FRMD6: variants seen among roughly 807,000 people sequenced by gnomAD.
FRMD6 encodes the protein FERM domain-containing protein 6.
In FRMD6, 37 loss-of-function variants were observed where a neutral mutation model predicts 73.2. The observed-to-expected ratio is 0.51, with a 90% CI of 0.39 to 0.66. FRMD6 has a LOEUF of 0.66. Among genes scored for constraint, FRMD6 ranks in the 30% least tolerant of loss-of-function variants. FRMD6 has a pLI of 0.00. For missense variants in FRMD6, 714 were observed against 780.5 expected, an observed-to-expected ratio of 0.91 and a Z score of 1.02; for synonymous variants, 273 against 282.2, an observed-to-expected ratio of 0.97 and a Z score of 0.33.
At chr14:51,709,295 C>T (rs1166060351) in intron 7 of FRMD6, among the ~76,000 whole-genome samples, 2 of 152,168 alleles carry the variant, frequency 1.3e-5, no homozygotes, top group African/African-American at 4.8e-5. Flanking sequence ...GGGACAGCAA[C>T]ATACCTGCTT....
At position 51,708,427 on chromosome 14, in the gene FRMD6, G is replaced by A. The variant is rs1896757660; in HGVS notation, c.714+194G>A. The A allele has an allele frequency of 5.6e-6, 3 of 536,364 alleles. No individual in the cohort carries two copies. In the South Asian group the frequency reaches 7.3e-5, roughly 13 times the overall value. The allele number at this position is 536,364 out of a possible 1,614,324, so 33.2% of individuals were successfully genotyped here. A position where few individuals can be genotyped will look rare whatever the true frequency, so the allele number is the denominator to read the frequency against. ...GGCCATGGTGCTTTTACTCTGGCCT[G>A]GAAGCGGGGTGGAGTATTTTTTAAT... On this transcript the variant is annotated intron_variant, in intron 7 of 13. Transcript: ENST00000344768.
intron 1 of FRMD6, among the ~76,000 whole-genome samples, chr14:51,687,614 G>T (rs1425787311): frequency 6.6e-6 from 1 of 152,062 alleles, no homozygotes; most frequent in African/African-American, 2.4e-5. Context: ...AATATAAGAA[G>T]TTGCCTGCAA....
the FRMD6 span, among the ~76,000 whole-genome samples, chr14:51,406,423 T>C: frequency 2.0e-5 from 3 of 152,196 alleles, no homozygotes; most frequent in African/African-American, 7.2e-5. Context: ...AATATGGCCA[T>C]TTTAATGATA....
chr14:51,408,030 G>A, the FRMD6 span, among the ~76,000 whole-genome samples: 2 of 151,968 alleles, frequency 1.3e-5, no homozygotes, highest in Non-Finnish European at 2.9e-5. Context: ...TCAATCTTTA[G>A]TGTTCTGGAA....
rs1898122137 is a variant in FRMD6, at chr14:51,728,850, T to C, written c.*821T>C. The C allele has an allele frequency of 6.6e-6, 1 of 152,380 alleles. No individual in the cohort carries two copies. The highest frequency in any genetic ancestry group is 1.5e-5 in the Non-Finnish European group (1 of 68,032). The allele number at this position is 152,380 out of a possible 1,614,324, so 9.4% of individuals were successfully genotyped here. A position where few individuals can be genotyped will look rare whatever the true frequency, so the allele number is the denominator to read the frequency against. ...AACGTTGGTGCTTGGTGATGCTTTA[T>C]TTGTTTAATTATCAAGAACAAATTA... On this transcript the variant is annotated 3_prime_UTR_variant, in exon 14 of 14. Coordinates refer to ENST00000344768, the MANE Select transcript of FRMD6 (RefSeq NM_001267046.2).
chr14:51,413,719 T>C, the FRMD6 span, among the ~76,000 whole-genome samples: 2 of 152,232 alleles, frequency 1.3e-5, no homozygotes, highest in Non-Finnish European at 2.9e-5. Context: ...TTCTAGATCC[T>C]TGAGGAATCG....
At position 51,704,905 on chromosome 14, in the gene FRMD6, C is replaced by G. The variant is rs1188611019; in HGVS notation, c.528C>G (p.Tyr176Ter). The change falls in exon 6 of 14, where the codon TAC (tyrosine) becomes TAG (stop). Residue 176 changes from tyrosine (Y) to a stop codon, truncating the protein, a stop_gained. Transcript: ENST00000344768. LOFTEE classifies it high-confidence loss of function. ...NFKRNKHYGK[Y>*]FEPEAYFPSW... ...AAAGGAATAAGCACTATGGAAAATA[C>G]TTCGAGCCAGAGGCTTACTTCCCAT... The G allele has an allele frequency of 6.2e-7, 1 of 1,611,202 alleles. No homozygotes were observed.
intron 1 of FRMD6, among the ~76,000 whole-genome samples, chr14:51,659,079 G>A (rs542917513): frequency 2.0e-5 from 3 of 152,192 alleles, no homozygotes; most frequent in Non-Finnish European, 4.4e-5. Context: ...CATAGAAGAG[G>A]GATAGTAAAA....
chr14:51,532,594 G>A (rs144803430), intron 1 of FRMD6, among the ~76,000 whole-genome samples: 2,282 of 152,176 alleles, frequency 0.015, 41 homozygotes, highest in South Asian at 0.077. Flanking sequence ...TTCCACCCAG[G>A]TGGAAGTGTT....
intron 1 of FRMD6, among the ~76,000 whole-genome samples, chr14:51,667,361 G>A (rs530921506): frequency 7.9e-5 from 12 of 152,030 alleles, no homozygotes; most frequent in East Asian, 5.8e-4. Flanking sequence ...TTTATTGGTC[G>A]GAAGAATGAA....
At chr14:51,437,233 G>A in the FRMD6 span, among the ~76,000 whole-genome samples, 1 of 152,130 alleles carries the variant, frequency 6.6e-6, no homozygotes, top group Non-Finnish European at 1.5e-5. Flanking sequence ...AGAACATGCA[G>A]TGTTTGGTTA....
At chr14:51,622,727 C>T (rs1890969479) in intron 2 of FRMD6, among the ~76,000 whole-genome samples, 1 of 152,090 alleles carries the variant, frequency 6.6e-6, no homozygotes. Context: ...TTTGGGAGTC[C>T]TTCAATCTAA....
intron 1 of FRMD6, among the ~76,000 whole-genome samples, chr14:51,685,668 C>A (rs1016494574): frequency 5.9e-5 from 9 of 152,092 alleles, no homozygotes; most frequent in African/African-American, 2.2e-4. Flanking sequence ...TACTGTTATC[C>A]ATTATATCTT....
chr14:51,459,695 C>T, the FRMD6 span, among the ~76,000 whole-genome samples: 27 of 151,786 alleles, frequency 1.8e-4, no homozygotes, highest in East Asian at 5.8e-4. Context: ...GGCGTGGTGG[C>T]GGGTGCCTGT....
At chr14:51,725,949 A>G (rs911257103) in intron 13 of FRMD6, 79 bp downstream of exon 13, 1 of 943,602 alleles carries the variant, frequency 1.1e-6, no homozygotes, top group Admixed American at 2.0e-5. Context: ...ATTTATACAA[A>G]TGAGCAAAAA....
the FRMD6 span, among the ~76,000 whole-genome samples, chr14:51,446,255 T>TAC: frequency 1.3e-5 from 2 of 152,026 alleles, no homozygotes; most frequent in Non-Finnish European, 2.9e-5. Flanking sequence ...ACCAGAGGAG[T>TAC]GACCGCGATG....
intron 2 of FRMD6, among the ~76,000 whole-genome samples, chr14:51,605,139 CTTTTTT>C (rs11389733): frequency 8.4e-6 from 1 of 119,578 alleles, no homozygotes; most frequent in Non-Finnish European, 1.7e-5. Context: ...CTGCAGGTTT[CTTTTTT>C]TTTTTTTTTT....
intron 4 of FRMD6, among the ~76,000 whole-genome samples, chr14:51,701,746 A>G (rs538457404): frequency 6.6e-6 from 1 of 151,730 alleles, no homozygotes; most frequent in African/African-American, 2.4e-5. Context: ...TAATCTTGGA[A>G]TAATGCTTTT....
intron 9 of FRMD6, among the ~76,000 whole-genome samples, chr14:51,713,483 G>A (rs1296855261): frequency 2.0e-5 from 3 of 147,588 alleles, no homozygotes; most frequent in African/African-American, 7.5e-5. Flanking sequence ...AAAAATCGTA[G>A]TTCTGCTTTG....
Sources: gnomAD v4.1 joint callset for allele counts (sites outside exome capture counted in the v4.1 genomes callset) on GRCh38, gnomAD v4.1.1 for gene constraint, MANE v1.5 for transcripts, NCBI Gene and HGNC (gene_info 2026-07-23, HGNC 2026-07-21) for gene names.